Variants in SORCS1 observed in about 807,000 individuals in gnomAD.
SORCS1 encodes the protein VPS10 domain-containing receptor SorCS1.
In SORCS1, 60 loss-of-function variants were observed where a neutral mutation model predicts 146.1. The observed-to-expected ratio is 0.41, with a 90% CI of 0.33 to 0.51. The LOEUF is 0.51. Among genes scored for constraint, SORCS1 ranks in the 20% least tolerant of loss-of-function variants. SORCS1 has a pLI of 0.21. For missense variants in SORCS1, 1,352 were observed against 1,487.6 expected (o/e 0.91, Z 1.50); for synonymous variants, 637 against 584.0 (o/e 1.09, Z -1.31).
chr10:107,053,561 A>T (rs1960332320), intron 1 of SORCS1, among the ~76,000 whole-genome samples: 1 of 152,198 alleles, frequency 6.6e-6, no homozygotes, highest in Non-Finnish European at 1.5e-5. Context: ...CCAACTGGAA[A>T]AAAGGGTTGA....
In SORCS1 at chr10:106,628,627, C is replaced by T. The variant is rs1589513812; in HGVS notation, c.2662+575G>A. ...AGCATTTCTTGGAACTGTTTCCTAC[C>T]ACAGTTTCCTTAACACTGTTTTTAT... On this transcript the variant is annotated intron_variant, in intron 19 of 25. Transcript: ENST00000263054. Among the ~76,000 whole-genome samples, 5 of 152,270 alleles carry T rather than the reference C, an allele frequency of 3.3e-5. No homozygotes were observed. In the South Asian group the frequency reaches 1.0e-3, roughly 32 times the overall value.
intron 1 of SORCS1, among the ~76,000 whole-genome samples, chr10:107,103,556 T>G (rs981035085): frequency 3.9e-5 from 6 of 152,230 alleles, no homozygotes; most frequent in African/African-American, 1.2e-4. Flanking sequence ...GTAGAGTGCC[T>G]AAGGCTTGAA....
chr10:106,744,429 C>G (rs1209345691), intron 5 of SORCS1, among the ~76,000 whole-genome samples: 1 of 152,080 alleles, frequency 6.6e-6, no homozygotes, highest in African/African-American at 2.4e-5. Flanking sequence ...AGACATGATG[C>G]TGCACTGATG....
intron 2 of SORCS1, among the ~76,000 whole-genome samples, chr10:106,851,100 A>G (rs1326231946): frequency 6.6e-6 from 1 of 152,218 alleles, no homozygotes; most frequent in Admixed American, 6.5e-5. Flanking sequence ...TATATTGTAT[A>G]TGACAGGCCT....
chr10:106,804,338 GAAAATAAAAT>G (rs374338257), intron 3 of SORCS1, among the ~76,000 whole-genome samples: 29,399 of 137,966 alleles, frequency 0.21, 3,652 homozygotes, highest in Non-Finnish European at 0.28. Flanking sequence ...TTTCCGAAGA[GAAAATAAAAT>G]AAAATAAAAT....
At chr10:106,712,562 C>A (rs923267504) in intron 6 of SORCS1, among the ~76,000 whole-genome samples, 34 of 152,276 alleles carry the variant, frequency 2.2e-4, no homozygotes, top group African/African-American at 7.9e-4. Context: ...CCTCCTTCAT[C>A]TATTAAAGGA....
chr10:106,927,217 G>T (rs941925434), intron 2 of SORCS1, among the ~76,000 whole-genome samples: 1 of 152,170 alleles, frequency 6.6e-6, no homozygotes, highest in Non-Finnish European at 1.5e-5. Context: ...TAAAGGCAGC[G>T]TGTCCGGAGT....
At chr10:106,817,206 G>A (rs1947788308) in intron 3 of SORCS1, among the ~76,000 whole-genome samples, 1 of 151,704 alleles carries the variant, frequency 6.6e-6, no homozygotes, top group South Asian at 2.1e-4. Flanking sequence ...CTGTTTTCCT[G>A]GACAGCCTGG....
chr10:107,143,228 A>C (rs1171332159), intron 1 of SORCS1, among the ~76,000 whole-genome samples: 1 of 152,184 alleles, frequency 6.6e-6, no homozygotes, highest in Non-Finnish European at 1.5e-5. Context: ...TGTTTCACCC[A>C]TACAATTTAT....
chr10:107,179,822 TCAGATATACGGTTAG>T, the SORCS1 span, among the ~76,000 whole-genome samples: 1 of 151,772 alleles, frequency 6.6e-6, no homozygotes, highest in African/African-American at 2.4e-5. Context: ...TAGTCCTTTG[TCAGATATACGGTTAG>T]CAAATATGTT....
chr10:106,623,670 T>C (rs1847897115), intron 19 of SORCS1, among the ~76,000 whole-genome samples: 1 of 151,988 alleles, frequency 6.6e-6, no homozygotes, highest in African/African-American at 2.4e-5. Flanking sequence ...TTTTTATTTA[T>C]TTTTTTATTT....
chr10:106,578,911 A>G lies in SORCS1; in HGVS notation c.3371+458T>C, dbSNP rs1844725296. On this transcript the variant is annotated intron_variant, in intron 25 of 25. Transcript: ENST00000263054. ...GAGAAAAAAACTAGATAGAAGCAAG[A>G]GGTTTGTTTGTTTTTCCCCCATCCC... The G allele has an allele frequency of 7.0e-6, 10 of 1,421,072 alleles. No homozygotes were observed. The South Asian group carries it at 1.4e-4, about 20-fold the overall frequency. 88.0% of individuals were successfully genotyped at this position (1,421,072 alleles called of 1,614,324 possible).
intron 16 of SORCS1, among the ~76,000 whole-genome samples, chr10:106,670,276 C>T (rs1851490083): frequency 6.6e-6 from 1 of 152,066 alleles, no homozygotes; most frequent in African/African-American, 2.4e-5. Context: ...TTCACAGTGC[C>T]CACAAGCTAG....
intron 3 of SORCS1, among the ~76,000 whole-genome samples, chr10:106,798,266 C>A (rs1007225258): frequency 1.3e-5 from 2 of 152,142 alleles, no homozygotes; most frequent in Non-Finnish European, 2.9e-5. Flanking sequence ...TCCATTAAAC[C>A]TCTTTCTTTT....
intron 23 of SORCS1, among the ~76,000 whole-genome samples, chr10:106,604,070 T>G (rs1032001944): frequency 1.3e-5 from 2 of 152,146 alleles, no homozygotes; most frequent in East Asian, 3.9e-4. Context: ...ACTGGCTAAA[T>G]AGAAGTTGGG....
At chr10:106,910,109 C>T (rs985346703) in intron 2 of SORCS1, among the ~76,000 whole-genome samples, 2 of 152,148 alleles carry the variant, frequency 1.3e-5, no homozygotes, top group East Asian at 3.9e-4. Flanking sequence ...GTGGCTTCTA[C>T]CTCTAAACTA....
At chr10:107,139,206 A>G (rs1967589978) in intron 1 of SORCS1, among the ~76,000 whole-genome samples, 2 of 152,236 alleles carry the variant, frequency 1.3e-5, no homozygotes, top group South Asian at 4.1e-4. Context: ...AATTGCAGGT[A>G]GAAAAGAGGA....
At chr10:106,676,716 G>C (rs923760823) in intron 13 of SORCS1, among the ~76,000 whole-genome samples, 6 of 152,014 alleles carry the variant, frequency 3.9e-5, no homozygotes, top group African/African-American at 1.4e-4. Flanking sequence ...TGGCCCAACT[G>C]TCCCATAGAA....
chr10:107,097,427 C>G (rs1007975979), intron 1 of SORCS1, among the ~76,000 whole-genome samples: 2 of 152,200 alleles, frequency 1.3e-5, no homozygotes, highest in African/African-American at 2.4e-5. Context: ...CTTTCCATGT[C>G]CACACTGTGT....
Sources: gnomAD v4.1 joint callset for allele counts (sites outside exome capture counted in the v4.1 genomes callset) on GRCh38, gnomAD v4.1.1 for gene constraint, MANE v1.5 for transcripts, NCBI Gene and HGNC (gene_info 2026-07-23, HGNC 2026-07-21) for gene names.